ASTN2: variants seen among roughly 807,000 people sequenced by gnomAD.
The protein encoded by ASTN2 is astrotactin-2.
A neutral mutation model predicts 139.8 loss-of-function variants in ASTN2; 54 were observed. That is an observed-to-expected ratio of 0.39 (90% confidence interval 0.31 to 0.48). The LOEUF is 0.48. Ranked by LOEUF, ASTN2 falls within the 20% of genes least tolerant of loss-of-function variation. ASTN2 has a pLI of 0.95. For synonymous variants in ASTN2, 756 were observed against 719.5 expected (o/e 1.05, Z -0.81); for missense variants, 1,565 against 1,725.1 (o/e 0.91, Z 1.64).
rs974185535 is a variant in ASTN2, at chr9:117,242,367, T to C, written c.631-27625A>G. Reference sequence around the variant, plus strand: ...GTGGATATAATTGAGTTTCTCCCTGTACCAAATGAGCTCTGAGTTCTTAGT... The same window carrying C: ...GTGGATATAATTGAGTTTCTCCCTGCACCAAATGAGCTCTGAGTTCTTAGT... On this transcript the variant is annotated intron_variant, in intron 2 of 22. Coordinates refer to ENST00000313400, the MANE Select transcript of ASTN2 (RefSeq NM_001365068.1). 2.6e-5 allele frequency among the ~76,000 whole-genome samples: 4 copies of C among 152,252 alleles called. No homozygotes were observed. In the East Asian group the frequency reaches 5.8e-4, roughly 22 times the overall value.
At chr9:117,352,546 G>A (rs1829421315) in intron 1 of ASTN2, among the ~76,000 whole-genome samples, 1 of 152,108 alleles carries the variant, frequency 6.6e-6, no homozygotes, top group South Asian at 2.1e-4. Context: ...AGGCACCAAG[G>A]GATAGTAGAC....
chr9:117,134,339 C>CGT (rs1829901920), intron 4 of ASTN2, among the ~76,000 whole-genome samples: 2 of 139,202 alleles, frequency 1.4e-5, no homozygotes, highest in African/African-American at 2.8e-5. Context: ...CACACACACA[C>CGT]GCCTGTGTTC....
At chr9:116,876,772 T>A (rs1833312684) in intron 10 of ASTN2, among the ~76,000 whole-genome samples, 1 of 152,202 alleles carries the variant, frequency 6.6e-6, no homozygotes, top group Non-Finnish European at 1.5e-5. Flanking sequence ...AATTAAGGTA[T>A]GTACATTATT....
intron 5 of ASTN2, among the ~76,000 whole-genome samples, chr9:117,076,423 G>T (rs1428884419): frequency 1.3e-5 from 2 of 152,032 alleles, no homozygotes; most frequent in African/African-American, 4.8e-5. Context: ...GGGGATAGAA[G>T]AAGGGAGGGA....
chr9:117,149,565 G>T (rs1382486369), intron 3 of ASTN2, among the ~76,000 whole-genome samples: 1 of 152,018 alleles, frequency 6.6e-6, no homozygotes. Context: ...GGGACAAGGT[G>T]ATAAGAGAAG....
At position 117,289,046 on chromosome 9, in the gene ASTN2, G is replaced by C. The variant is rs180744413; in HGVS notation, c.630+2280C>G. ...AGTGTCAGAGAGAGACCTCAAGTCT[G>C]TGCTCCAAGTCTGTGCTTATGGCTG... is the stretch of plus-strand genomic sequence containing the variant. On this transcript the variant is annotated intron_variant, in intron 2 of 22. Coordinates refer to ENST00000313400, the MANE Select transcript of ASTN2 (RefSeq NM_001365068.1). Among the ~76,000 whole-genome samples the C allele has an allele frequency of 2.0e-3, 308 of 152,286 alleles. 1 individual carries two copies. The highest frequency in any genetic ancestry group is 7.1e-3 in the African/African-American group (293 of 41,520).
At chr9:116,768,313 CTCCA>C (rs1829864924) in intron 13 of ASTN2, among the ~76,000 whole-genome samples, 2 of 151,794 alleles carry the variant, frequency 1.3e-5, no homozygotes, top group Admixed American at 6.6e-5. Context: ...AACTGCTGGT[CTCCA>C]TCTTTCTCTT....
At chr9:116,631,711 A>T (rs2131860578) in intron 17 of ASTN2, among the ~76,000 whole-genome samples, 1 of 152,354 alleles carries the variant, frequency 6.6e-6, no homozygotes, top group Non-Finnish European at 1.5e-5. Flanking sequence ...TAGCTGGAAG[A>T]GAAGAATTAG....
chr9:116,734,427 T>C (rs1828867887), intron 13 of ASTN2, among the ~76,000 whole-genome samples: 1 of 152,144 alleles, frequency 6.6e-6, no homozygotes, highest in African/African-American at 2.4e-5. Context: ...GAGCTTCCTG[T>C]TACTGAGGGT....
intron 19 of ASTN2, among the ~76,000 whole-genome samples, chr9:116,565,387 CCATATATATATA>C (rs1297200563): frequency 0.015 from 611 of 42,030 alleles, 32 homozygotes; most frequent in African/African-American, 0.027. Flanking sequence ...CTCTCTCTCT[CCATATATATATA>C]TATATATATA....
At chr9:117,034,323 C>T (rs1490216971) in intron 6 of ASTN2, among the ~76,000 whole-genome samples, 2 of 152,170 alleles carry the variant, frequency 1.3e-5, no homozygotes, top group Non-Finnish European at 2.9e-5. Context: ...AGGCTAACTG[C>T]ATGGCAATTT....
chr9:117,340,132 C>A (rs1829018636), intron 1 of ASTN2, among the ~76,000 whole-genome samples: 1 of 151,810 alleles, frequency 6.6e-6, no homozygotes, highest in East Asian at 1.9e-4. Context: ...CAAGACCAGC[C>A]TAGCCAACCT....
intron 6 of ASTN2, among the ~76,000 whole-genome samples, chr9:117,028,115 G>GC (rs1838148897): frequency 6.6e-6 from 1 of 152,152 alleles, no homozygotes; most frequent in African/African-American, 2.4e-5. Flanking sequence ...CTGGCCCTGA[G>GC]CAGGCACTCA....
chr9:117,135,272 A>G (rs745784479), intron 4 of ASTN2, among the ~76,000 whole-genome samples: 19 of 152,224 alleles, frequency 1.2e-4, no homozygotes, highest in Non-Finnish European at 2.5e-4. Flanking sequence ...GAAACTGTGT[A>G]AGCTTGAGTT....
At chr9:116,899,678 C>G (rs1833960381) in intron 10 of ASTN2, among the ~76,000 whole-genome samples, 1 of 152,154 alleles carries the variant, frequency 6.6e-6, no homozygotes, top group African/African-American at 2.4e-5. Flanking sequence ...AATAACAGCT[C>G]CTTCCTGAAA....
intron 20 of ASTN2, among the ~76,000 whole-genome samples, chr9:116,474,152 T>A (rs999276931): frequency 4.6e-5 from 7 of 152,150 alleles, no homozygotes; most frequent in Admixed American, 3.3e-4. Context: ...CAAGACCCCA[T>A]GCTCGTAGAC....
At chr9:116,576,486 AG>A (rs879637377) in intron 19 of ASTN2, among the ~76,000 whole-genome samples, 21 of 152,358 alleles carry the variant, frequency 1.4e-4, no homozygotes, top group Admixed American at 1.3e-3. Flanking sequence ...AAGATGATTT[AG>A]GTGGCCCCCA....
At chr9:116,987,057 C>G (rs1475524559) in intron 7 of ASTN2, among the ~76,000 whole-genome samples, 1 of 152,156 alleles carries the variant, frequency 6.6e-6, no homozygotes, top group East Asian at 1.9e-4. Flanking sequence ...AGTTGTGCCC[C>G]CTTATCTACA....
chr9:116,429,867 T>C (rs116075752), intron 22 of ASTN2, among the ~76,000 whole-genome samples: 2,926 of 152,112 alleles, frequency 0.019, 97 homozygotes, highest in African/African-American at 0.067. Flanking sequence ...AGACTCAGAG[T>C]AGTCTCTCAA....
Sources: gnomAD v4.1 joint callset for allele counts (sites outside exome capture counted in the v4.1 genomes callset) on GRCh38, gnomAD v4.1.1 for gene constraint, MANE v1.5 for transcripts, NCBI Gene and HGNC (gene_info 2026-07-23, HGNC 2026-07-21) for gene names.